The following SNX29 variants were observed in gnomAD, a reference collection of about 807,000 sequenced individuals.
SNX29 encodes the protein sorting nexin-29.
SNX29 carries 78 observed loss-of-function variants against 102.1 expected under a neutral mutation model. That is an observed-to-expected ratio of 0.76 (90% CI 0.64 to 0.92). SNX29 has a LOEUF of 0.92. Among genes scored for constraint, SNX29 ranks in the 40% least tolerant of loss-of-function variants. The pLI, the probability that SNX29 is intolerant of heterozygous loss-of-function variation, is 0.00. For synonymous variants in SNX29, 580 were observed against 414.5 expected (o/e 1.40, Z -4.85); for missense variants, 1,280 against 1,061.7 (o/e 1.21, Z -2.86).
intron 16 of SNX29, among the ~76,000 whole-genome samples, chr16:12,376,691 C>T (rs767672702): frequency 6.1e-4 from 85 of 140,358 alleles, no homozygotes; most frequent in Non-Finnish European, 5.4e-4. Flanking sequence ...GAGCCGAGAT[C>T]GCACCACTGC....
intron 14 of SNX29, 126 bp downstream of exon 14, chr16:12,199,809 C>G (rs2141966678): frequency 1.3e-6 from 1 of 753,830 alleles, no homozygotes. Context: ...AATGGTGCTG[C>G]TCAGCGTTCC....
intron 4 of SNX29, among the ~76,000 whole-genome samples, chr16:12,031,612 C>G (rs2057347454): frequency 1.3e-5 from 2 of 151,774 alleles, no homozygotes. Flanking sequence ...CGAGACCATC[C>G]TAGCTAACAC....
intron 16 of SNX29, among the ~76,000 whole-genome samples, chr16:12,384,598 C>G (rs888157509): frequency 2.6e-5 from 4 of 152,066 alleles, no homozygotes. Context: ...GTTTGAGTTT[C>G]TGATATAGTC....
chr16:12,414,915 G>T lies in SNX29; in HGVS notation c.2037+11386G>T, dbSNP rs891731174. Among the ~76,000 whole-genome samples, 16 of 152,254 alleles carry T rather than the reference G, an allele frequency of 1.1e-4. 1 individual carries two copies. In the South Asian group the frequency reaches 2.1e-3, roughly 20 times the overall value. ...TTTTTGTGTTTTTAGTAGAGATGGG[G>T]TTTCACCATGTTGGCTAGGCTGGTC... On this transcript the variant is annotated intron_variant, in intron 18 of 20. Transcript: ENST00000566228.
At chr16:12,201,112 T>A (rs1453057121) in intron 14 of SNX29, among the ~76,000 whole-genome samples, 1 of 152,258 alleles carries the variant, frequency 6.6e-6, no homozygotes, top group African/African-American at 2.4e-5. Flanking sequence ...TGATGCTATT[T>A]GATAACATGC....
At chr16:12,556,509 G>A (rs371127570) in intron 20 of SNX29, 2 of 152,448 alleles carry the variant, frequency 1.3e-5, no homozygotes, top group South Asian at 4.1e-4. Context: ...CAGTCCCCGT[G>A]TTGCCAGAGG....
intron 16 of SNX29, among the ~76,000 whole-genome samples, chr16:12,393,859 C>G (rs974098559): frequency 2.0e-5 from 3 of 152,176 alleles, no homozygotes; most frequent in African/African-American, 7.2e-5. Context: ...TTGATTTTTT[C>G]TAATAGGGCA....
chr16:12,302,510 G>A (rs566413137), intron 15 of SNX29, among the ~76,000 whole-genome samples: 3 of 152,350 alleles, frequency 2.0e-5, no homozygotes, highest in East Asian at 3.9e-4. Context: ...GGCCCACTTT[G>A]TGGTTCATAG....
intron 20 of SNX29, among the ~76,000 whole-genome samples, chr16:12,540,596 C>A (rs1431192877): frequency 2.0e-5 from 3 of 151,794 alleles, no homozygotes; most frequent in Non-Finnish European, 4.4e-5. Flanking sequence ...ACTCTGGGAC[C>A]CTGAGATTCC....
At chr16:12,083,586 G>T (rs1044013168) in intron 11 of SNX29, among the ~76,000 whole-genome samples, 1 of 152,128 alleles carries the variant, frequency 6.6e-6, no homozygotes, top group Non-Finnish European at 1.5e-5. Flanking sequence ...TATAAACTCC[G>T]ATTGGGAGTT....
chr16:11,998,115 A>G (rs1330863402), intron 1 of SNX29, among the ~76,000 whole-genome samples: 1 of 152,196 alleles, frequency 6.6e-6, no homozygotes, highest in Non-Finnish European at 1.5e-5. Flanking sequence ...CCTCTGAGAT[A>G]ATGCCCTGCT....
At chr16:12,492,364 T>G (rs1389414639) in intron 19 of SNX29, among the ~76,000 whole-genome samples, 1 of 152,188 alleles carries the variant, frequency 6.6e-6, no homozygotes, top group Admixed American at 6.5e-5. Context: ...TTCGCCCACT[T>G]TTTGATGGGG....
rs1017742420 is a variant in SNX29 at position 12,119,996 on chromosome 16, C to T, written c.1403-6637C>T. Among the ~76,000 whole-genome samples, 9 of 152,166 alleles carry T rather than the reference C, an allele frequency of 5.9e-5. No individual in the cohort carries two copies. The South Asian group carries it at 1.4e-3, about 25-fold the overall frequency. On this transcript the variant is annotated intron_variant, in intron 11 of 20. Coordinates refer to ENST00000566228, the MANE Select transcript of SNX29 (RefSeq NM_032167.5). ...GCGAAGGGGTCTTGGGACATTTTTTCCTCCTTTATCTTAACAAATTGAAAA... is the reference window on the plus strand; with the variant it reads ...GCGAAGGGGTCTTGGGACATTTTTTTCTCCTTTATCTTAACAAATTGAAAA...
intron 16 of SNX29, among the ~76,000 whole-genome samples, chr16:12,376,736 CAAAAAAA>C (rs71408262): frequency 1.3e-5 from 1 of 77,936 alleles, no homozygotes; most frequent in Admixed American, 1.7e-4. Flanking sequence ...GACTCTGTCT[CAAAAAAA>C]AAAAAAAAAA....
At chr16:12,547,094 G>C (rs192205025) in intron 20 of SNX29, among the ~76,000 whole-genome samples, 13 of 152,198 alleles carry the variant, frequency 8.5e-5, no homozygotes, top group African/African-American at 3.1e-4. Flanking sequence ...GTGAGGTGGC[G>C]ATTTCCAGTG....
intron 12 of SNX29, among the ~76,000 whole-genome samples, chr16:12,129,276 T>C (rs2054350660): frequency 6.6e-6 from 1 of 152,190 alleles, no homozygotes; most frequent in Non-Finnish European, 1.5e-5. Context: ...TGTGACAAAA[T>C]GGTCTCATTG....
intron 20 of SNX29, among the ~76,000 whole-genome samples, chr16:12,542,853 G>C (rs555256425): frequency 4.6e-5 from 7 of 151,958 alleles, no homozygotes; most frequent in Non-Finnish European, 8.8e-5. Context: ...GCAGTACTCA[G>C]AAATGCTAAA....
Position 12,574,063 on chromosome 16 carries a change from G to C in SNX29, c.*5434G>C, listed in dbSNP as rs1364744743. ...ATAGTCTGTGTGTACATAAGGTCTA[G>C]AAGTCTGTGGAAACGCCCTGAAACC... On this transcript the variant is annotated 3_prime_UTR_variant, in exon 21 of 21. Transcript: ENST00000566228. 4 of 192,196 alleles carry C rather than the reference G, an allele frequency of 2.1e-5. No individual in the cohort carries two copies. Among genetic ancestry groups the C allele is most frequent in the African/African-American group, 2.3e-5 (1 of 43,058 alleles). The allele number at this position is 192,196 out of a possible 1,614,324, so 11.9% of individuals were successfully genotyped here.
chr16:12,357,731 ACTTTGTTC>A (rs2082180208), intron 16 of SNX29, among the ~76,000 whole-genome samples: 1 of 151,810 alleles, frequency 6.6e-6, no homozygotes, highest in Admixed American at 6.6e-5. Context: ...CGACCATTCT[ACTTTGTTC>A]CTCTATGAAT....
Sources: gnomAD v4.1 joint callset for allele counts (sites outside exome capture counted in the v4.1 genomes callset) on GRCh38, gnomAD v4.1.1 for gene constraint, MANE v1.5 for transcripts, NCBI Gene and HGNC (gene_info 2026-07-23, HGNC 2026-07-21) for gene names.